Variants in LPP observed in about 807,000 individuals in gnomAD.
The protein encoded by LPP is LIM domain containing preferred translocation partner in lipoma, also known as lipoma-preferred partner.
Under a neutral mutation model 60.4 loss-of-function variants are expected in LPP, and 38 were observed. The observed-to-expected ratio is 0.63, with a 90% CI of 0.49 to 0.83. The LOEUF (loss-of-function observed/expected upper bound fraction) is 0.83, where lower values mean the gene tolerates loss of function less well. LPP is among the 40% of genes least tolerant of loss of function. The pLI, the probability that LPP is intolerant of heterozygous loss-of-function variation, is 0.00. For synonymous variants in LPP, 328 were observed against 290.8 expected (o/e 1.13, Z -1.30); for missense variants, 902 against 783.6 (o/e 1.15, Z -1.80).
At position 188,884,086 on chromosome 3, in the gene LPP, T is replaced by C; in HGVS notation, c.*9607T>C. 4.5e-6 allele frequency: 1 copy of C among 223,752 alleles called. No individual in the cohort carries two copies. Among genetic ancestry groups the C allele is most frequent in the Non-Finnish European group, 8.9e-6 (1 of 112,186 alleles). The allele number at this position is 223,752 out of a possible 1,614,324, so 13.9% of individuals were successfully genotyped here. ...CCTGGGCAGGACCTGGAGGTAACTT[T>C]CTGAGCTGTAAAATAGTAATTCCTA... On this transcript the variant is annotated 3_prime_UTR_variant, in exon 12 of 12. Transcript: ENST00000617246.
chr3:188,388,507 G>C (rs1435746505), intron 3 of LPP, among the ~76,000 whole-genome samples: 2 of 152,132 alleles, frequency 1.3e-5, no homozygotes, highest in African/African-American at 4.8e-5. Flanking sequence ...TGGAATAGAT[G>C]GGAGGTCAAA....
At chr3:188,662,944 T>A (rs1443007445) in intron 7 of LPP, among the ~76,000 whole-genome samples, 1 of 152,262 alleles carries the variant, frequency 6.6e-6, no homozygotes, top group African/African-American at 2.4e-5. Context: ...CTGTGTCACA[T>A]GTTACATTAA....
intron 7 of LPP, among the ~76,000 whole-genome samples, chr3:188,700,057 A>G (rs1296316447): frequency 6.6e-6 from 1 of 152,176 alleles, no homozygotes; most frequent in Non-Finnish European, 1.5e-5. Flanking sequence ...CTTTTTTTTC[A>G]AGAACACATA....
intron 4 of LPP, among the ~76,000 whole-genome samples, chr3:188,461,516 T>G (rs986116465): frequency 6.6e-6 from 1 of 152,182 alleles, no homozygotes; most frequent in Non-Finnish European, 1.5e-5. Context: ...CATTTTTGTT[T>G]AAAAAACACC....
At chr3:188,628,566 G>GA (rs1847281311) in intron 7 of LPP, among the ~76,000 whole-genome samples, 1 of 152,022 alleles carries the variant, frequency 6.6e-6, no homozygotes, top group African/African-American at 2.4e-5. Context: ...TTAAAATCCT[G>GA]AATAGACCAA....
intron 6 of LPP, among the ~76,000 whole-genome samples, chr3:188,575,213 G>A (rs1415157985): frequency 8.5e-5 from 13 of 152,056 alleles, no homozygotes; most frequent in African/African-American, 3.1e-4. Context: ...GCCATTTTGT[G>A]CTCTTTTCAG....
intron 9 of LPP, among the ~76,000 whole-genome samples, chr3:188,784,183 T>G (rs949456405): frequency 6.6e-6 from 1 of 151,830 alleles, no homozygotes; most frequent in Admixed American, 6.6e-5. Flanking sequence ...TATTTGGTTT[T>G]CCATTCCTGA....
At position 188,737,504 on chromosome 3, in the gene LPP, G is replaced by T. The variant is rs370916853; in HGVS notation, c.1241-22609G>T. ...TCCGCTCCATTGATCACCCTTTTTT[G>T]TTGTTGTTGTTCTTTTACTCTTCTG... On this transcript the variant is annotated intron_variant, in intron 8 of 11. Coordinates refer to ENST00000617246, the MANE Select transcript of LPP (RefSeq NM_001375462.1). Among the ~76,000 whole-genome samples, 31 of 152,140 alleles carry T rather than the reference G, an allele frequency of 2.0e-4. 1 individual carries two copies. The highest frequency in any genetic ancestry group is 7.7e-4 in the East Asian group (4 of 5,182).
At chr3:188,251,848 C>T (rs1246988704) in intron 2 of LPP, among the ~76,000 whole-genome samples, 1 of 151,366 alleles carries the variant, frequency 6.6e-6, no homozygotes, top group Admixed American at 6.6e-5. Context: ...GTTTTAGTTT[C>T]CCTCCTTCCC....
At chr3:188,368,924 A>G (rs1033849046) in intron 3 of LPP, among the ~76,000 whole-genome samples, 1 of 151,880 alleles carries the variant, frequency 6.6e-6, no homozygotes, top group Non-Finnish European at 1.5e-5. Context: ...AGAGAGGGTC[A>G]CCCGCCACAT....
chr3:188,318,423 A>AAAG (rs1390748464), intron 2 of LPP, among the ~76,000 whole-genome samples: 132 of 151,534 alleles, frequency 8.7e-4, no homozygotes, highest in South Asian at 4.2e-4. Context: ...AAAAACAAAA[A>AAAG]AAAAAAAGAA....
At chr3:188,704,491 A>G (rs2149640807) in intron 7 of LPP, among the ~76,000 whole-genome samples, 1 of 152,258 alleles carries the variant, frequency 6.6e-6, no homozygotes. Context: ...TCTAACCTTA[A>G]TGATACTGCC....
Position 188,887,620 on chromosome 3 carries a change from A to T in LPP, c.*13141A>T. On this transcript the variant is annotated 3_prime_UTR_variant, in exon 12 of 12. Coordinates refer to ENST00000617246, the MANE Select transcript of LPP (RefSeq NM_001375462.1). ...AAATACATCAACATATCAGGATTAT[A>T]GTGCCAAAAATAGTTAAAGTGCCTT... The T allele has an allele frequency of 4.7e-6, 1 of 214,556 alleles. No individual in the cohort carries two copies. Among genetic ancestry groups the T allele is most frequent in the Non-Finnish European group, 9.4e-6 (1 of 106,080 alleles). 13.3% of individuals were successfully genotyped at this position (214,556 alleles called of 1,614,324 possible).
intron 9 of LPP, among the ~76,000 whole-genome samples, chr3:188,773,997 A>G (rs1736916553): frequency 6.6e-6 from 1 of 152,226 alleles, no homozygotes; most frequent in African/African-American, 2.4e-5. Flanking sequence ...GTGGAGACTG[A>G]TATTATTCCC....
chr3:188,302,795 A>G (rs893580426), intron 2 of LPP, among the ~76,000 whole-genome samples: 1 of 152,246 alleles, frequency 6.6e-6, no homozygotes, highest in Non-Finnish European at 1.5e-5. Flanking sequence ...TGAAATAGCA[A>G]TGACTTTTGA....
intron 4 of LPP, among the ~76,000 whole-genome samples, chr3:188,449,066 CAAAAGA>C (rs1795991072): frequency 2.0e-5 from 3 of 152,126 alleles, no homozygotes; most frequent in African/African-American, 4.8e-5. Flanking sequence ...GTAGGAAATC[CAAAAGA>C]CGTTGGAAGC....
intron 6 of LPP, among the ~76,000 whole-genome samples, chr3:188,585,563 C>G (rs1342067568): frequency 6.6e-6 from 1 of 152,216 alleles, no homozygotes; most frequent in African/African-American, 2.4e-5. Flanking sequence ...GGGACCAGCA[C>G]AGGGGACTTG....
At position 188,680,127 on chromosome 3, in the gene LPP, T is replaced by G. The variant is rs541887872; in HGVS notation, c.1114-28140T>G. Reference sequence around the variant, plus strand: ...AATTGCTATTTTATAAACCCAGAGCTGCTACTCCCCCTTCTTTTCTTCTCC... The same window carrying G: ...AATTGCTATTTTATAAACCCAGAGCGGCTACTCCCCCTTCTTTTCTTCTCC... On this transcript the variant is annotated intron_variant, in intron 7 of 11. Coordinates refer to ENST00000617246, the MANE Select transcript of LPP (RefSeq NM_001375462.1). Among the ~76,000 whole-genome samples, 5 of 152,366 alleles carry G rather than the reference T, an allele frequency of 3.3e-5. 1 individual carries two copies. The South Asian group carries it at 1.0e-3, about 32-fold the overall frequency.
intron 2 of LPP, among the ~76,000 whole-genome samples, chr3:188,303,372 G>A (rs1750551204): frequency 1.3e-5 from 2 of 152,196 alleles, no homozygotes; most frequent in African/African-American, 4.8e-5. Context: ...TTCATTGGCT[G>A]TGTCACCAGT....
Sources: gnomAD v4.1 joint callset for allele counts (sites outside exome capture counted in the v4.1 genomes callset) on GRCh38, gnomAD v4.1.1 for gene constraint, MANE v1.5 for transcripts, NCBI Gene and HGNC (gene_info 2026-07-23, HGNC 2026-07-21) for gene names.